TRAK2: variants seen among roughly 807,000 people sequenced by gnomAD.
TRAK2 encodes the protein trafficking kinesin protein 2, also known as trafficking kinesin-binding protein 2.
Under a neutral mutation model 104.6 loss-of-function variants are expected in TRAK2, and 81 were observed. The observed-to-expected ratio is 0.77, with a 90% CI of 0.65 to 0.93. The LOEUF is 0.93. TRAK2 is among the 40% of genes least tolerant of loss of function. The pLI is 0.00. For missense variants in TRAK2, 1,002 were observed against 1,089.0 expected, an observed-to-expected ratio of 0.92 and a Z score of 1.12; for synonymous variants, 406 against 394.4, an observed-to-expected ratio of 1.03 and a Z score of -0.35.
intron 1 of TRAK2, among the ~76,000 whole-genome samples, chr2:201,430,068 G>C (rs1951828026): frequency 6.6e-6 from 1 of 152,184 alleles, no homozygotes; most frequent in South Asian, 2.1e-4. Flanking sequence ...TCAGCTGCAG[G>C]TCTGTTGGAG....
intron 1 of TRAK2, among the ~76,000 whole-genome samples, chr2:201,427,938 T>C (rs1314390674): frequency 3.9e-5 from 6 of 152,260 alleles, no homozygotes; most frequent in East Asian, 3.8e-4. Context: ...CATTTTTTCA[T>C]GTGTCTGTTG....
intron 5 of TRAK2, 87 bp downstream of exon 5, chr2:201,399,290 A>T (rs1951528163): frequency 4.8e-6 from 4 of 831,192 alleles, no homozygotes; most frequent in Non-Finnish European, 7.9e-6. Context: ...ATCTATTGCC[A>T]TCATTTCAGG....
intron 1 of TRAK2, among the ~76,000 whole-genome samples, chr2:201,428,968 TTGTC>T (rs2125658039): frequency 6.6e-6 from 1 of 152,346 alleles, no homozygotes; most frequent in East Asian, 1.9e-4. Flanking sequence ...GGTTCTCTGT[TTGTC>T]TGTTATTGGT....
intron 1 of TRAK2, among the ~76,000 whole-genome samples, chr2:201,445,550 C>T (rs984811476): frequency 3.3e-5 from 5 of 152,104 alleles, no homozygotes; most frequent in Non-Finnish European, 7.4e-5. Flanking sequence ...ACAGAATTGT[C>T]GGGAGAGAGC....
At chr2:201,428,763 T>C (rs537902744) in intron 1 of TRAK2, among the ~76,000 whole-genome samples, 1 of 152,352 alleles carries the variant, frequency 6.6e-6, no homozygotes, top group African/African-American at 2.4e-5. Context: ...TTGGGCAGTA[T>C]GGCCATTTTC....
chr2:201,439,014 G>A (rs1951899704), intron 1 of TRAK2, among the ~76,000 whole-genome samples: 1 of 152,174 alleles, frequency 6.6e-6, no homozygotes, highest in Admixed American at 6.5e-5. Flanking sequence ...AGTAGTAAAT[G>A]GAACATAGAT....
chr2:201,437,746 C>T (rs1252477380), intron 1 of TRAK2, among the ~76,000 whole-genome samples: 1 of 152,118 alleles, frequency 6.6e-6, no homozygotes, highest in Non-Finnish European at 1.5e-5. Flanking sequence ...CAGTCTTAAC[C>T]CTCTCTACTC....
intron 2 of TRAK2, chr2:201,411,037 T>C (rs56061928): frequency 1.5e-6 from 2 of 1,302,364 alleles, no homozygotes; most frequent in Admixed American, 1.7e-5. Context: ...AAATTTCTCT[T>C]TGTATTATCA....
intron 10 of TRAK2, among the ~76,000 whole-genome samples, chr2:201,390,563 C>A (rs1229710999): frequency 0.014 from 1,232 of 86,678 alleles, no homozygotes; most frequent in African/African-American, 0.021. Context: ...GACTCCGTCT[C>A]AAAAAAAAAA....
chr2:201,419,082 A>G, intron 2 of TRAK2: 1 of 152,178 alleles, frequency 6.6e-6, no homozygotes, highest in East Asian at 1.9e-4. Context: ...TCAAAATAAA[A>G]TCTAGATATG....
At chr2:201,410,619 C>G in intron 2 of TRAK2, 1 of 1,295,794 alleles carries the variant, frequency 7.7e-7, no homozygotes, top group Non-Finnish European at 1.1e-6. Flanking sequence ...ATGCAAAGTT[C>G]TGTGGGTTGA....
rs1003648660 is a variant in TRAK2, at chr2:201,393,002, T to A, written c.1020A>T (p.Leu340Phe). ...CCTTTATTTCTTCTTGGGATTCATG[T>A]AACATTCCTAGACACTCCATATTCC... ...QDRNMECLGMLHESQEEIKEL... is the reference protein window; with the variant it reads ...QDRNMECLGMFHESQEEIKEL... The change falls in exon 10 of 16, where the codon TTA (leucine) becomes TTT (phenylalanine). Residue 340 changes from leucine (L) to phenylalanine (F), a missense_variant. Transcript: ENST00000332624. The A allele has an allele frequency of 1.2e-6, 2 of 1,613,806 alleles. No homozygotes were observed. The highest frequency in any genetic ancestry group is 1.1e-5 in the South Asian group (1 of 91,040).
rs764553727 is a variant in TRAK2 at position 201,420,477 on chromosome 2, A to T, written c.31T>A (p.Ser11Thr). The change falls in exon 2 of 16, where the codon TCA (serine) becomes ACA (threonine). Residue 11 changes from serine (S) to threonine (T), a missense_variant. Physicochemically the swap from Ser to Thr is moderately conservative, Grantham distance 58. Coordinates refer to ENST00000332624, the MANE Select transcript of TRAK2 (RefSeq NM_015049.3). ...ATGAGGTTTTCTTCACCTGTTGGTGATGTAAAAATTGCATTCTGGGATTGA... is the reference window on the plus strand; with the variant it reads ...ATGAGGTTTTCTTCACCTGTTGGTGTTGTAAAAATTGCATTCTGGGATTGA... MSQSQNAIFT[S>T]PTGEENLMNS... is the part of the protein sequence containing the mutation. 1.2e-6 allele frequency: 2 copies of T among 1,614,098 alleles called. No individual in the cohort carries two copies. The highest frequency in any genetic ancestry group is 2.2e-5 in the South Asian group (2 of 91,086).
At chr2:201,445,013 G>T (rs917765799) in intron 1 of TRAK2, among the ~76,000 whole-genome samples, 1 of 152,172 alleles carries the variant, frequency 6.6e-6, no homozygotes, top group East Asian at 1.9e-4. Flanking sequence ...TAAAAAGAAA[G>T]AACTCAAAGT....
intron 2 of TRAK2, among the ~76,000 whole-genome samples, chr2:201,408,822 T>G (rs940087243): frequency 2.0e-5 from 3 of 152,220 alleles, no homozygotes; most frequent in Non-Finnish European, 2.9e-5. Flanking sequence ...CTGTGGAGGA[T>G]TCTTCAAAAT....
intron 1 of TRAK2, among the ~76,000 whole-genome samples, chr2:201,449,744 C>T (rs957107760): frequency 2.0e-5 from 3 of 151,762 alleles, no homozygotes; most frequent in African/African-American, 4.8e-5. Context: ...CCTCCGGGTT[C>T]AAGCAATTCT....
chr2:201,412,762 G>C, intron 2 of TRAK2: 1 of 1,269,964 alleles, frequency 7.9e-7, no homozygotes, highest in Non-Finnish European at 1.1e-6. Context: ...ATTCAAAATT[G>C]TATTTTCAGG....
intron 15 of TRAK2, among the ~76,000 whole-genome samples, chr2:201,381,871 C>T (rs956236232): frequency 6.6e-6 from 1 of 152,064 alleles, no homozygotes; most frequent in African/African-American, 2.4e-5. Flanking sequence ...TCAACCTTGA[C>T]CTGAAACATG....
intron 1 of TRAK2, among the ~76,000 whole-genome samples, chr2:201,427,921 T>C (rs1020236207): frequency 6.6e-6 from 1 of 152,268 alleles, no homozygotes; most frequent in African/African-American, 2.4e-5. Context: ...TGGCCAGTGA[T>C]GATGAACATT....
Sources: allele counts gnomAD v4.1 joint callset (sites outside exome capture counted in the v4.1 genomes callset), GRCh38; gene constraint gnomAD v4.1.1; transcripts MANE v1.5; gene names NCBI Gene and HGNC (gene_info 2026-07-23, HGNC 2026-07-21).